Variants in MAOB observed in about 807,000 individuals in gnomAD.
The protein encoded by MAOB is monoamine oxidase B.
Under a neutral mutation model 41.9 loss-of-function variants are expected in MAOB, and 15 were observed. The observed-to-expected ratio is 0.36, with a 90% CI of 0.24 to 0.55. MAOB has a LOEUF of 0.55. MAOB is among the 20% of genes least tolerant of loss of function. The pLI is 0.86. For synonymous variants in MAOB, 167 were observed against 144.2 expected (o/e 1.16, Z -1.13); for missense variants, 345 against 398.7 (o/e 0.87, Z 1.15).
At chrX:43,789,148 C>T (rs1432142119) in intron 8 of MAOB, among the ~76,000 whole-genome samples, 1 of 111,992 alleles carries the variant, frequency 8.9e-6, no homozygotes, top group Non-Finnish European at 1.9e-5. Flanking sequence ...TTGACTGTGA[C>T]CCATCACATG....
intron 1 of MAOB, among the ~76,000 whole-genome samples, chrX:43,872,068 ATTTTC>A (rs761121059): frequency 8.9e-5 from 10 of 111,822 alleles, no homozygotes; most frequent in East Asian, 2.8e-4. Context: ...TTACAGGACT[ATTTTC>A]TTTTCTTTTC....
At chrX:43,817,337 C>T (rs748705975) in intron 3 of MAOB, among the ~76,000 whole-genome samples, 1 of 110,510 alleles carries the variant, frequency 9.0e-6, no homozygotes, top group South Asian at 3.9e-4. Context: ...TTCTTTTTTT[C>T]TCCTATCCCA....
intron 3 of MAOB, among the ~76,000 whole-genome samples, chrX:43,825,725 A>G (rs2034937369): frequency 8.9e-6 from 1 of 112,507 alleles, no homozygotes; most frequent in Non-Finnish European, 1.9e-5. Flanking sequence ...AAGCAATAAG[A>G]TTTTGAAAGC....
chrX:43,768,405 T>C (rs766591429), intron 14 of MAOB, among the ~76,000 whole-genome samples: 6 of 110,890 alleles, frequency 5.4e-5, no homozygotes, highest in Admixed American at 3.9e-4. Flanking sequence ...CCGAGAAATG[T>C]CTCCCTCCTC....
chrX:43,829,560 T>C (rs2034990884), intron 3 of MAOB, among the ~76,000 whole-genome samples: 1 of 112,045 alleles, frequency 8.9e-6, no homozygotes. Flanking sequence ...CACTTTCTAA[T>C]GCATTAAAAT....
At chrX:43,785,156 A>G (rs999278101) in intron 8 of MAOB, among the ~76,000 whole-genome samples, 6 of 113,007 alleles carry the variant, frequency 5.3e-5, no homozygotes, top group African/African-American at 1.6e-4. Context: ...TCAAAACAAA[A>G]CAAAACAAGA....
chrX:43,814,936 C>CG (rs1249346898), intron 3 of MAOB, among the ~76,000 whole-genome samples: 1 of 112,015 alleles, frequency 8.9e-6, no homozygotes, highest in Non-Finnish European at 1.9e-5. Flanking sequence ...TGTCTTTCTC[C>CG]TATTTACCCT....
intron 5 of MAOB, among the ~76,000 whole-genome samples, chrX:43,800,042 G>C (rs543820643): frequency 1.8e-5 from 2 of 111,492 alleles, no homozygotes; most frequent in Non-Finnish European, 3.8e-5. Flanking sequence ...GATATTCTGG[G>C]GATTACTTCA....
intron 7 of MAOB, among the ~76,000 whole-genome samples, chrX:43,794,832 C>T (rs187405058): frequency 9.1e-6 from 1 of 109,471 alleles, no homozygotes; most frequent in Admixed American, 9.8e-5. Context: ...CCTCTTCCCA[C>T]TTGTTTAAGT....
Position 43,833,349 on chromosome X carries a change from G to C in MAOB, c.279+5519C>G, listed in dbSNP as rs1384716887. ...CCCAGGACATGTGATACGCAGCCTG[G>C]GAATCCACGCCTAAGCCTTTCTGCA... On this transcript the variant is annotated intron_variant, in intron 3 of 14. Coordinates refer to ENST00000378069, the MANE Select transcript of MAOB (RefSeq NM_000898.5). Among the ~76,000 whole-genome samples the C allele has an allele frequency of 2.7e-5, 3 of 110,793 alleles. No homozygotes were observed. The East Asian group carries it at 8.5e-4, about 31-fold the overall frequency.
intron 1 of MAOB, among the ~76,000 whole-genome samples, chrX:43,861,572 T>A (rs1481662085): frequency 8.9e-6 from 1 of 111,930 alleles, no homozygotes; most frequent in Admixed American, 9.5e-5. Flanking sequence ...CCATAGCTTA[T>A]CTGCCTCATG....
chrX:43,777,142 G>A (rs773724153), intron 11 of MAOB, among the ~76,000 whole-genome samples: 4 of 111,331 alleles, frequency 3.6e-5, no homozygotes, highest in East Asian at 2.8e-4. Context: ...TCAGTGTGGC[G>A]ATTCCTCAGG....
At chrX:43,838,260 T>C (rs1241478103) in intron 3 of MAOB, among the ~76,000 whole-genome samples, 1 of 111,396 alleles carries the variant, frequency 9.0e-6, no homozygotes, top group Non-Finnish European at 1.9e-5. Context: ...GGCCGTGAGA[T>C]GTGAATGAAC....
rs184402665 is a variant in MAOB, at chrX:43,873,802, G to A, written c.46+8452C>T. ...AGCGATTCTCCTGCCTCAGCCTCCC[G>A]AGTAGCTGGGACTACAGGCGCCCAC... On this transcript the variant is annotated intron_variant, in intron 1 of 14. Transcript: ENST00000378069. 6.9e-3 allele frequency among the ~76,000 whole-genome samples: 766 copies of A among 110,978 alleles called. 9 individuals are homozygous for A. The highest frequency in any genetic ancestry group is 0.024 in the African/African-American group (720 of 30,515).
At chrX:43,784,093 T>G (rs1569211706) in intron 8 of MAOB, among the ~76,000 whole-genome samples, 1 of 112,243 alleles carries the variant, frequency 8.9e-6, no homozygotes, top group Non-Finnish European at 1.9e-5. Context: ...CTTATGATTC[T>G]AATTCTCTTG....
At chrX:43,843,564 C>G in intron 2 of MAOB, 106 bp downstream of exon 2, 1 of 687,401 alleles carries the variant, frequency 1.5e-6, no homozygotes. Flanking sequence ...TATTTTCACC[C>G]TCTTAGAGTC....
chrX:43,830,858 G>A (rs899862263), intron 3 of MAOB, among the ~76,000 whole-genome samples: 2 of 112,087 alleles, frequency 1.8e-5, no homozygotes, highest in African/African-American at 6.5e-5. Context: ...GTTAATCAGT[G>A]TCTTGTTAAC....
At chrX:43,847,814 G>C (rs1197691964) in intron 1 of MAOB, among the ~76,000 whole-genome samples, 1 of 112,077 alleles carries the variant, frequency 8.9e-6, no homozygotes, top group Non-Finnish European at 1.9e-5. Context: ...TTAACATGCA[G>C]TATCAATTAT....
At chrX:43,870,794 CAAAAAAAAAAAAA>C (rs763016344) in intron 1 of MAOB, among the ~76,000 whole-genome samples, 3 of 21,937 alleles carry the variant, frequency 1.4e-4, no homozygotes, top group African/African-American at 3.8e-4. Context: ...GACTCCACCT[CAAAAAAAAAAAAA>C]AAAAAAAAAA....
Sources: allele counts gnomAD v4.1 joint callset (sites outside exome capture counted in the v4.1 genomes callset), GRCh38; gene constraint gnomAD v4.1.1; transcripts MANE v1.5; gene names NCBI Gene and HGNC (gene_info 2026-07-23, HGNC 2026-07-21).